The following ADGRB3 variants were observed in gnomAD, a reference collection of about 807,000 sequenced individuals.
The protein encoded by ADGRB3 is adhesion G protein-coupled receptor B3, also known as brain-specific angiogenesis inhibitor 3.
In ADGRB3, 37 loss-of-function variants were observed where a neutral mutation model predicts 193.4. That is an observed-to-expected ratio of 0.19 (90% CI 0.15 to 0.25). The LOEUF is 0.25. Ranked by LOEUF, ADGRB3 falls within the 10% of genes least tolerant of loss-of-function variation. ADGRB3 has a pLI of 1.00. For missense variants in ADGRB3, 1,637 were observed against 1,852.9 expected (o/e 0.88, Z 2.14); for synonymous variants, 690 against 644.2 (o/e 1.07, Z -1.08).
At chr6:68,951,634 C>T (rs569289706) in intron 6 of ADGRB3, among the ~76,000 whole-genome samples, 1 of 152,136 alleles carries the variant, frequency 6.6e-6, no homozygotes, top group Non-Finnish European at 1.5e-5. Context: ...GGAGTGTTTA[C>T]GTTTTCCCAG....
At chr6:68,807,285 G>C (rs1767422983) in intron 3 of ADGRB3, among the ~76,000 whole-genome samples, 1 of 133,588 alleles carries the variant, frequency 7.5e-6, no homozygotes, top group Admixed American at 8.5e-5. Flanking sequence ...GCCCAGGTTG[G>C]AGTGCAGTGT....
At chr6:69,308,217 G>T (rs1335091272) in intron 20 of ADGRB3, among the ~76,000 whole-genome samples, 2 of 151,436 alleles carry the variant, frequency 1.3e-5, no homozygotes, top group African/African-American at 4.9e-5. Flanking sequence ...CTTTGGGAAG[G>T]TTATCTAGTC....
At chr6:69,022,980 T>C (rs1341523014) in intron 13 of ADGRB3, among the ~76,000 whole-genome samples, 2 of 152,124 alleles carry the variant, frequency 1.3e-5, no homozygotes, top group African/African-American at 4.8e-5. Context: ...TAGCTTCATA[T>C]AGCATATTAC....
At chr6:69,043,939 A>G (rs755971781) in intron 13 of ADGRB3, among the ~76,000 whole-genome samples, 4 of 152,038 alleles carry the variant, frequency 2.6e-5, no homozygotes, top group Non-Finnish European at 5.9e-5. Context: ...TACTCCGGAG[A>G]CTGGGGGAGG....
At chr6:69,052,824 G>T (rs1429053712) in intron 15 of ADGRB3, among the ~76,000 whole-genome samples, 1 of 152,180 alleles carries the variant, frequency 6.6e-6, no homozygotes, top group Non-Finnish European at 1.5e-5. Flanking sequence ...TTCAGATGAA[G>T]TCCATACTAA....
intron 17 of ADGRB3, among the ~76,000 whole-genome samples, chr6:69,079,266 G>C (rs1216131637): frequency 2.6e-5 from 4 of 152,062 alleles, no homozygotes; most frequent in Admixed American, 2.0e-4. Context: ...GTATGTGACA[G>C]ATGAAATAAA....
intron 17 of ADGRB3, among the ~76,000 whole-genome samples, chr6:69,137,056 C>CTTTTTTTTTTTTTTT (rs71548125): frequency 1.2e-5 from 1 of 80,106 alleles, no homozygotes; most frequent in African/African-American, 4.0e-5. Context: ...TCTTTTCTTT[C>CTTTTTTTTTTTTTTT]TTTTTTTTTT....
At chr6:68,907,308 T>G (rs1766576610) in intron 3 of ADGRB3, among the ~76,000 whole-genome samples, 1 of 151,966 alleles carries the variant, frequency 6.6e-6, no homozygotes, top group Non-Finnish European at 1.5e-5. Context: ...GTTTTAAAAT[T>G]GAGCTTTTAT....
chr6:69,316,157 G>A (rs935749932), intron 20 of ADGRB3, among the ~76,000 whole-genome samples: 2 of 151,118 alleles, frequency 1.3e-5, no homozygotes, highest in Admixed American at 1.3e-4. Flanking sequence ...ATTTATTTGA[G>A]TGTTGGAAAT....
At chr6:69,183,914 T>A (rs1479726023) in intron 17 of ADGRB3, among the ~76,000 whole-genome samples, 1 of 152,094 alleles carries the variant, frequency 6.6e-6, no homozygotes, top group Non-Finnish European at 1.5e-5. Flanking sequence ...TTAATCTTCC[T>A]TGCATTATAA....
intron 5 of ADGRB3, 35 bp from the exon 6 acceptor site, chr6:68,943,795 G>A: frequency 2.0e-6 from 3 of 1,538,028 alleles, no homozygotes; most frequent in Non-Finnish European, 2.7e-6. Flanking sequence ...TTACTGCTCT[G>A]CTTTTGTTGT....
chr6:68,866,748 G>A (rs1418130375), intron 3 of ADGRB3, among the ~76,000 whole-genome samples: 3 of 152,222 alleles, frequency 2.0e-5, no homozygotes, highest in South Asian at 4.1e-4. Flanking sequence ...GGGAACTGGA[G>A]CAAAGGTCAC....
At chr6:69,223,443 G>A (rs1455756213) in intron 17 of ADGRB3, among the ~76,000 whole-genome samples, 2 of 152,066 alleles carry the variant, frequency 1.3e-5, no homozygotes, top group Non-Finnish European at 2.9e-5. Flanking sequence ...TTTTGGGGTA[G>A]CCTTGCAGGA....
intron 17 of ADGRB3, among the ~76,000 whole-genome samples, chr6:69,114,037 A>T (rs145519343): frequency 1.3e-3 from 196 of 152,298 alleles, no homozygotes; most frequent in African/African-American, 4.6e-3. Flanking sequence ...CCAAAGAATG[A>T]GATTCTGGGA....
At chr6:68,723,674 T>C (rs978878253) in intron 3 of ADGRB3, among the ~76,000 whole-genome samples, 1 of 151,786 alleles carries the variant, frequency 6.6e-6, no homozygotes, top group Non-Finnish European at 1.5e-5. Flanking sequence ...ATTGCTGAGA[T>C]AGAATACGAC....
intron 3 of ADGRB3, among the ~76,000 whole-genome samples, chr6:68,689,343 A>G (rs1317350909): frequency 6.6e-6 from 1 of 151,978 alleles, no homozygotes; most frequent in East Asian, 1.9e-4. Context: ...GAGCCTCCTG[A>G]CTCTGGTTGC....
rs869146684 is a variant in ADGRB3 at position 69,040,675 on chromosome 6, C to CAAAAAAAAAAAAAAA, written c.2108-7490_2108-7476dup. Among the ~76,000 whole-genome samples the CAAAAAAAAAAAAAAA allele has an allele frequency of 3.1e-4, 6 of 19,526 alleles. 1 individual carries two copies. The highest frequency in any genetic ancestry group is 4.3e-4 in the Non-Finnish European group (5 of 11,610). The allele number at this position is 19,526 out of a possible 152,430, so 12.8% of individuals were successfully genotyped here. ...CCCAGGCTTTGAAATGACTGATGGA[C>CAAAAAAAAAAAAAAA]AAAAAAAAAAAAAAAAAAAAAAAAA... is the stretch of plus-strand genomic sequence containing the variant. On this transcript the variant is annotated intron_variant, in intron 13 of 31. Coordinates refer to ENST00000370598, the MANE Select transcript of ADGRB3 (RefSeq NM_001704.3).
chr6:69,149,785 A>G (rs1174205995), intron 17 of ADGRB3, among the ~76,000 whole-genome samples: 1 of 152,102 alleles, frequency 6.6e-6, no homozygotes, highest in Non-Finnish European at 1.5e-5. Flanking sequence ...CACACAGAGT[A>G]ATGCTGCGGC....
intron 3 of ADGRB3, among the ~76,000 whole-genome samples, chr6:68,880,970 C>T (rs765724663): frequency 6.6e-6 from 1 of 151,830 alleles, no homozygotes; most frequent in Non-Finnish European, 1.5e-5. Flanking sequence ...ATTAAAAAGT[C>T]GGTGAGAAAA....
Sources: allele counts gnomAD v4.1 joint callset (sites outside exome capture counted in the v4.1 genomes callset), GRCh38; gene constraint gnomAD v4.1.1; transcripts MANE v1.5; gene names NCBI Gene and HGNC (gene_info 2026-07-23, HGNC 2026-07-21).